Variants in CNIH2 observed in about 807,000 individuals in gnomAD.
CNIH2 encodes the protein protein cornichon homolog 2.
CNIH2 carries 8 observed loss-of-function variants against 22.9 expected under a neutral mutation model. That is an observed-to-expected ratio of 0.35 (90% CI 0.20 to 0.63). The LOEUF (loss-of-function observed/expected upper bound fraction) is 0.63, where lower values mean the gene tolerates loss of function less well. CNIH2 is among the 30% of genes least tolerant of loss of function. The pLI is 0.72. For synonymous variants in CNIH2, 74 were observed against 78.2 expected, an observed-to-expected ratio of 0.95 and a Z score of 0.28; for missense variants, 105 against 206.2, an observed-to-expected ratio of 0.51 and a Z score of 3.01.
chr11:66,282,428 G>GCCTT, intron 2 of CNIH2, 101 bp downstream of exon 2: 1 of 713,854 alleles, frequency 1.4e-6, no homozygotes, highest in Non-Finnish European at 2.4e-6. Context: ...TGGGGTGGGG[G>GCCTT]GCCTACGGCC....
intron 2 of CNIH2, 156 bp from the exon 3 acceptor site, chr11:66,282,577 G>A: frequency 7.6e-6 from 7 of 917,782 alleles, no homozygotes; most frequent in Non-Finnish European, 1.0e-5. Flanking sequence ...CCATGGTGAC[G>A]GTCGCCATGG....
intron 1 of CNIH2, chr11:66,281,482 T>C (rs1857257713): frequency 2.2e-6 from 1 of 456,162 alleles, no homozygotes; most frequent in Non-Finnish European, 4.4e-6. Context: ...CCACCAATCC[T>C]GAGACATGGA....
rs1857300179 is a variant in CNIH2, at chr11:66,283,695, A to G, written c.*98A>G. 4.3e-6 allele frequency: 6 copies of G among 1,381,470 alleles called. No homozygotes were observed. In the South Asian group the frequency reaches 7.8e-5, roughly 18 times the overall value. The allele number at this position is 1,381,470 out of a possible 1,614,324, so 85.6% of individuals were successfully genotyped here. On this transcript the variant is annotated 3_prime_UTR_variant, in exon 6 of 6. Transcript: ENST00000311445. ...GCAGAGGCCTCAGCCCTGGGGAGGG[A>G]GGGGGCACTGGTGCCCCCAGCCTCT...
In CNIH2 at chr11:66,283,747, A is replaced by G. The variant is rs1217158868; in HGVS notation, c.*150A>G. 13 of 801,098 alleles carry G rather than the reference A, an allele frequency of 1.6e-5. No individual in the cohort carries two copies. Among genetic ancestry groups the G allele is most frequent in the Middle Eastern group, 7.4e-4 (2 of 2,710 alleles). The allele number at this position is 801,098 out of a possible 1,614,324, so 49.6% of individuals were successfully genotyped here. A position where few individuals can be genotyped will look rare whatever the true frequency, so the allele number is the denominator to read the frequency against. On this transcript the variant is annotated 3_prime_UTR_variant, in exon 6 of 6. Coordinates refer to ENST00000311445, the MANE Select transcript of CNIH2 (RefSeq NM_182553.3). ...CAACCCCCAAACTGCTGCTGCGGGG[A>G]ACCCCCCCCACCCCGCCTTCAGAGC...
At chr11:66,280,490 G>T (rs377587592) in intron 1 of CNIH2, among the ~76,000 whole-genome samples, 3 of 152,268 alleles carry the variant, frequency 2.0e-5, no homozygotes, top group African/African-American at 7.2e-5. Context: ...CTCTTAACAG[G>T]GCGGGACCCC....
chr11:66,282,107 C>G, intron 1 of CNIH2, 152 bp from the exon 2 acceptor site: 1 of 702,166 alleles, frequency 1.4e-6, no homozygotes, highest in South Asian at 1.7e-5. Context: ...TGACCTTGGA[C>G]CAGGCCCTGC....
At chr11:66,279,443 G>A (rs1448282629) in intron 1 of CNIH2, among the ~76,000 whole-genome samples, 2 of 148,596 alleles carry the variant, frequency 1.3e-5, no homozygotes, top group African/African-American at 2.5e-5. Context: ...ACTGCCCTCC[G>A]TCCCCACCCC....
chr11:66,283,186 A>G (rs1857289833), intron 4 of CNIH2, 39 bp downstream of exon 4: 1 of 1,613,586 alleles, frequency 6.2e-7, no homozygotes, highest in Non-Finnish European at 8.5e-7. Context: ...TGAGATGGGG[A>G]ACAGGGGCAG....
chr11:66,282,816 C>A, intron 3 of CNIH2, 36 bp downstream of exon 3: 1 of 1,591,314 alleles, frequency 6.3e-7, no homozygotes, highest in South Asian at 1.1e-5. Context: ...GGCTCCTAGC[C>A]CAGCGCTGCC....
At chr11:66,279,398 T>A (rs1857224206) in intron 1 of CNIH2, among the ~76,000 whole-genome samples, 2 of 151,860 alleles carry the variant, frequency 1.3e-5, no homozygotes, top group African/African-American at 4.8e-5. Flanking sequence ...TCAATCAGCC[T>A]CCAGCTGGTT....
chr11:66,278,361 C>A lies in CNIH2; in HGVS notation c.-96C>A. On this transcript the variant is annotated 5_prime_UTR_variant, in exon 1 of 6. Coordinates refer to ENST00000311445, the MANE Select transcript of CNIH2 (RefSeq NM_182553.3). The stretch of plus-strand genomic sequence containing the variant: ...ACCCACGTCCCCCGAGCCCCACGGG[C>A]CATGCCCGGCCGGCCCTAAGCGCGG... The A allele has an allele frequency of 2.9e-6, 1 of 342,468 alleles. No homozygotes were observed. Among genetic ancestry groups the A allele is most frequent in the Non-Finnish European group, 4.1e-6 (1 of 243,384 alleles). 21.2% of individuals were successfully genotyped at this position (342,468 alleles called of 1,614,324 possible).
chr11:66,282,855 T>G, intron 3 of CNIH2, 75 bp downstream of exon 3: 2 of 1,523,356 alleles, frequency 1.3e-6, no homozygotes, highest in Non-Finnish European at 1.8e-6. Context: ...GAACCAGGCC[T>G]TCCCCTGCTT....
chr11:66,279,634 C>G (rs183503924), intron 1 of CNIH2, among the ~76,000 whole-genome samples: 90 of 152,308 alleles, frequency 5.9e-4, no homozygotes, highest in African/African-American at 2.0e-3. Flanking sequence ...CCTCCCGGTG[C>G]CTCACCTGCT....
rs993132948 is a variant in CNIH2, at chr11:66,283,750, C to A, written c.*153C>A. 1 of 767,066 alleles carries A rather than the reference C, an allele frequency of 1.3e-6. No individual in the cohort carries two copies. The highest frequency in any genetic ancestry group is 1.8e-5 in the African/African-American group (1 of 57,000). The allele number at this position is 767,066 out of a possible 1,614,324, so 47.5% of individuals were successfully genotyped here. A position where few individuals can be genotyped will look rare whatever the true frequency, so the allele number is the denominator to read the frequency against. On this transcript the variant is annotated 3_prime_UTR_variant, in exon 6 of 6. Transcript: ENST00000311445. ...CCCCCAAACTGCTGCTGCGGGGAAC[C>A]CCCCCCACCCCGCCTTCAGAGCCCT...
Position 66,283,934 on chromosome 11 carries a change from G to A in CNIH2, c.*337G>A. 1 of 275,694 alleles carries A rather than the reference G, an allele frequency of 3.6e-6. No individual in the cohort carries two copies. Among genetic ancestry groups the A allele is most frequent in the East Asian group, 7.7e-5 (1 of 12,908 alleles). 17.1% of individuals were successfully genotyped at this position (275,694 alleles called of 1,614,324 possible). Reference sequence around the variant, plus strand: ...CTGCCAAGGGGCAGAGCTTGACCCTGGAAATTCTGGGCCATCCCCCTCCAC... The same window carrying A: ...CTGCCAAGGGGCAGAGCTTGACCCTAGAAATTCTGGGCCATCCCCCTCCAC... On this transcript the variant is annotated 3_prime_UTR_variant, in exon 6 of 6. Transcript: ENST00000311445.
At position 66,283,336 on chromosome 11, in the gene CNIH2, G is replaced by T; in HGVS notation, c.400G>T (p.Glu134Ter). Residue 134 changes from glutamate (E) to a stop codon, truncating the protein, a stop_gained, in exon 5 of 6, where the codon GAG (glutamate) becomes TAG (stop). Coordinates refer to ENST00000311445, the MANE Select transcript of CNIH2 (RefSeq NM_182553.3). LOFTEE classifies it high-confidence loss of function. ...NADILNYCQK[E>*]SWCKLAFYLL... Reference sequence around the variant, plus strand: ...TGACATTCTCAACTACTGCCAGAAGGAGTCCTGGTGCAAACTTGCCTTCTA... The same window carrying T: ...TGACATTCTCAACTACTGCCAGAAGTAGTCCTGGTGCAAACTTGCCTTCTA... 6.2e-7 allele frequency: 1 copy of T among 1,614,184 alleles called. No individual in the cohort carries two copies. Among genetic ancestry groups the T allele is most frequent in the South Asian group, 1.1e-5 (1 of 91,088 alleles).
chr11:66,282,483 C>T, intron 2 of CNIH2, 156 bp downstream of exon 2: 1 of 1,008,476 alleles, frequency 9.9e-7, no homozygotes, highest in African/African-American at 1.6e-5. Flanking sequence ...ACACCTGGCG[C>T]GGGCTCAGGG....
intron 1 of CNIH2, among the ~76,000 whole-genome samples, chr11:66,279,022 C>G (rs186850622): frequency 1.7e-4 from 25 of 148,526 alleles, no homozygotes; most frequent in East Asian, 8.1e-4. Context: ...GTCCATTAAC[C>G]CTTTGCCTTC....
chr11:66,278,522 C>T lies in CNIH2; in HGVS notation c.66C>T (p.Phe22=). 6.7e-7 allele frequency: 1 copy of T among 1,484,088 alleles called. No homozygotes were observed. Among genetic ancestry groups the T allele is most frequent in the Non-Finnish European group, 9.0e-7 (1 of 1,109,922 alleles). 91.9% of individuals were successfully genotyped at this position (1,484,088 alleles called of 1,614,324 possible). A position where few individuals can be genotyped will look rare whatever the true frequency, so the allele number is the denominator to read the frequency against. ...TGGTGCTGTGCGCCTCCCTCATCTT[C>T]TTTGTCATCTGGCACGTAAGGCCGG... The part of the protein sequence containing the change: ...LTLVLCASLI[F]FVIWHIIAFD... The change falls in exon 1 of 6, where the codon TTC becomes TTT. Residue 22 remains phenylalanine, a synonymous_variant. Transcript: ENST00000311445.
Sources: allele counts gnomAD v4.1 joint callset (sites outside exome capture counted in the v4.1 genomes callset), GRCh38; gene constraint gnomAD v4.1.1; transcripts MANE v1.5; gene names NCBI Gene and HGNC (gene_info 2026-07-23, HGNC 2026-07-21).